CDH13: variants seen among roughly 807,000 people sequenced by gnomAD.
CDH13 encodes cadherin 13.
Under a neutral mutation model 63.8 loss-of-function variants are expected in CDH13, and 24 were observed. That is an observed-to-expected ratio of 0.38 (90% CI 0.27 to 0.53). CDH13 has a LOEUF of 0.53. CDH13 is among the 20% of genes least tolerant of loss of function. The pLI is 0.85. For missense variants in CDH13, 1,049 were observed against 903.1 expected (o/e 1.16, Z -2.07); for synonymous variants, 503 against 355.3 (o/e 1.42, Z -4.67).
At chr16:82,802,123 G>C (rs969985126) in intron 1 of CDH13, among the ~76,000 whole-genome samples, 59 of 151,952 alleles carry the variant, frequency 3.9e-4, no homozygotes, top group Non-Finnish European at 7.2e-4. Context: ...CCTCTCATTG[G>C]TTGGAGCCTG....
At chr16:83,068,467 G>A (rs8045680) in intron 3 of CDH13, among the ~76,000 whole-genome samples, 21,398 of 152,128 alleles carry the variant, frequency 0.14, 1,760 homozygotes, top group African/African-American at 0.22. Context: ...AGGGTTTGGC[G>A]AATGTTGAGC....
At chr16:83,441,305 T>G (rs1257035423) in intron 6 of CDH13, among the ~76,000 whole-genome samples, 1 of 152,202 alleles carries the variant, frequency 6.6e-6, no homozygotes. Flanking sequence ...TATATCCATT[T>G]GAAAGATGAC....
chr16:83,237,327 C>G (rs1904274851), intron 5 of CDH13, among the ~76,000 whole-genome samples: 1 of 152,154 alleles, frequency 6.6e-6, no homozygotes, highest in African/African-American at 2.4e-5. Context: ...CAAGCAGAAG[C>G]TAGTGACCAC....
intron 1 of CDH13, among the ~76,000 whole-genome samples, chr16:82,726,788 T>C (rs1480914540): frequency 3.3e-5 from 5 of 152,242 alleles, no homozygotes; most frequent in African/African-American, 1.2e-4. Context: ...TTTTATTGTT[T>C]TCATTGAATT....
intron 7 of CDH13, among the ~76,000 whole-genome samples, chr16:83,513,587 C>G (rs1358691115): frequency 6.6e-6 from 1 of 152,176 alleles, no homozygotes; most frequent in Non-Finnish European, 1.5e-5. Flanking sequence ...TCCTTCTTCA[C>G]AGGGTGGCAG....
chr16:83,145,217 C>T (rs918649057), intron 4 of CDH13, among the ~76,000 whole-genome samples: 1 of 152,160 alleles, frequency 6.6e-6, no homozygotes, highest in Admixed American at 6.5e-5. Flanking sequence ...GCTGCAACGC[C>T]ACCTTGGTCG....
chr16:82,671,806 A>T (rs976305943), intron 1 of CDH13, among the ~76,000 whole-genome samples: 1 of 151,354 alleles, frequency 6.6e-6, no homozygotes, highest in Non-Finnish European at 1.5e-5. Context: ...TCTATTCATG[A>T]CCCTTTGGAT....
intron 11 of CDH13, among the ~76,000 whole-genome samples, chr16:83,757,947 A>T (rs372723147): frequency 7.9e-5 from 12 of 152,120 alleles, no homozygotes; most frequent in African/African-American, 2.6e-4. Flanking sequence ...GGCCAACATG[A>T]CAAAGCCCCT....
At chr16:83,000,547 C>T (rs1238878014) in intron 2 of CDH13, among the ~76,000 whole-genome samples, 2 of 149,648 alleles carry the variant, frequency 1.3e-5, no homozygotes, top group Non-Finnish European at 3.0e-5. Context: ...CTCACCCGAC[C>T]CCAAGGTTGT....
chr16:83,763,843 G>A (rs1914171928), intron 11 of CDH13, among the ~76,000 whole-genome samples: 1 of 152,156 alleles, frequency 6.6e-6, no homozygotes, highest in African/African-American at 2.4e-5. Context: ...TTAAGATCTG[G>A]TAATAGTGAG....
rs150026513 is a variant in CDH13 at position 83,570,998 on chromosome 16, C to A, written c.961-31456C>A. Among the ~76,000 whole-genome samples the A allele has an allele frequency of 5.9e-3, 842 of 141,810 alleles. 8 individuals are homozygous for A. The highest frequency in any genetic ancestry group is 0.02 in the African/African-American group (799 of 39,184). 93.0% of individuals were successfully genotyped at this position (141,810 alleles called of 152,430 possible). On this transcript the variant is annotated intron_variant, in intron 7 of 13. Coordinates refer to ENST00000567109, the MANE Select transcript of CDH13 (RefSeq NM_001257.5). ...AAACCTTCTGGCGCCACCCAAGGGC[C>A]AGCACCTCCAGCTAAACATTCAAAA...
At chr16:82,696,731 G>T (rs1296475255) in intron 1 of CDH13, among the ~76,000 whole-genome samples, 2 of 152,146 alleles carry the variant, frequency 1.3e-5, no homozygotes, top group African/African-American at 4.8e-5. Context: ...ATTATCTATT[G>T]TTGCATTAGA....
chr16:83,176,307 C>T (rs991074868), intron 4 of CDH13, among the ~76,000 whole-genome samples: 6 of 151,732 alleles, frequency 4.0e-5, no homozygotes, highest in Admixed American at 6.6e-5. Flanking sequence ...GTCAGGAGTT[C>T]GAGACCAGCC....
intron 4 of CDH13, among the ~76,000 whole-genome samples, chr16:83,150,479 A>G (rs375801760): frequency 3.3e-5 from 5 of 151,834 alleles, no homozygotes; most frequent in South Asian, 2.1e-4. Context: ...TCACTTCTCT[A>G]TTGACATCAT....
At chr16:83,325,959 A>G (rs2090350503) in intron 5 of CDH13, among the ~76,000 whole-genome samples, 1 of 152,180 alleles carries the variant, frequency 6.6e-6, no homozygotes, top group African/African-American at 2.4e-5. Flanking sequence ...TATGCTCAGT[A>G]AATGCTAAAC....
At position 83,500,225 on chromosome 16, in the gene CDH13, TTTCTTCTCC is replaced by T. The variant is rs1192467759; in HGVS notation, c.960+13578_960+13586del. On this transcript the variant is annotated intron_variant, in intron 7 of 13. Coordinates refer to ENST00000567109, the MANE Select transcript of CDH13 (RefSeq NM_001257.5). ...ACATTTGAATTCAGACACTAGTTTC[TTTCTTCTCC>T]TTCTTCTTCTTCTTCTTCTTCTTCT... Among the ~76,000 whole-genome samples the T allele has an allele frequency of 2.0e-3, 63 of 31,562 alleles. 18 individuals are homozygous for T. Among genetic ancestry groups the T allele is most frequent in the African/African-American group, 6.9e-3 (61 of 8,870 alleles). The allele number at this position is 31,562 out of a possible 152,430, so 20.7% of individuals were successfully genotyped here.
At chr16:82,828,664 GTATA>G (rs58371580) in intron 1 of CDH13, among the ~76,000 whole-genome samples, 12 of 133,700 alleles carry the variant, frequency 9.0e-5, no homozygotes, top group African/African-American at 2.3e-4. Context: ...GTGTGTGTGT[GTATA>G]TATATATATG....
intron 2 of CDH13, among the ~76,000 whole-genome samples, chr16:83,005,978 T>C (rs1039311532): frequency 2.0e-5 from 3 of 152,226 alleles, no homozygotes; most frequent in African/African-American, 7.2e-5. Flanking sequence ...GTTGCAAAAG[T>C]CCTTCATATG....
At chr16:83,414,660 C>G (rs771252486) in intron 6 of CDH13, among the ~76,000 whole-genome samples, 3 of 152,194 alleles carry the variant, frequency 2.0e-5, no homozygotes, top group Non-Finnish European at 2.9e-5. Flanking sequence ...GTAAGTGGAA[C>G]CATGCAGTAT....
Sources: gnomAD v4.1 joint callset for allele counts (sites outside exome capture counted in the v4.1 genomes callset) on GRCh38, gnomAD v4.1.1 for gene constraint, MANE v1.5 for transcripts, NCBI Gene and HGNC (gene_info 2026-07-23, HGNC 2026-07-21) for gene names.